ZFAND3: variants seen among roughly 807,000 people sequenced by gnomAD.
ZFAND3 encodes zinc finger AN1-type containing 3.
In ZFAND3, 10 loss-of-function variants were observed where a neutral mutation model predicts 29.6. That is an observed-to-expected ratio of 0.34 (90% CI 0.21 to 0.57). The LOEUF (loss-of-function observed/expected upper bound fraction) is 0.57. Ranked by LOEUF, ZFAND3 falls within the 20% of genes least tolerant of loss-of-function variation. ZFAND3 has a pLI of 0.86. For synonymous variants in ZFAND3, 128 were observed against 112.6 expected (o/e 1.14, Z -0.87); for missense variants, 230 against 304.5 (o/e 0.76, Z 1.82).
At chr6:38,057,407 T>C (rs1764151297) in intron 2 of ZFAND3, among the ~76,000 whole-genome samples, 1 of 152,236 alleles carries the variant, frequency 6.6e-6, no homozygotes, top group African/African-American at 2.4e-5. Context: ...GATGCAAATA[T>C]CAGGGCCAAA....
intron 2 of ZFAND3, among the ~76,000 whole-genome samples, chr6:37,987,367 A>G (rs954295781): frequency 6.6e-6 from 1 of 152,248 alleles, no homozygotes; most frequent in African/African-American, 2.4e-5. Context: ...ATTGGTGAGT[A>G]TTAACCAAAA....
intron 3 of ZFAND3, among the ~76,000 whole-genome samples, chr6:38,064,624 A>G (rs1253524438): frequency 1.3e-5 from 2 of 151,196 alleles, no homozygotes; most frequent in African/African-American, 2.4e-5. Context: ...CATCATAACC[A>G]AGAGTTACTT....
intron 2 of ZFAND3, among the ~76,000 whole-genome samples, chr6:37,959,325 T>G (rs1762154887): frequency 6.6e-6 from 1 of 152,242 alleles, no homozygotes; most frequent in Non-Finnish European, 1.5e-5. Flanking sequence ...TTCCTGCAGA[T>G]GCACTTAGTC....
At chr6:38,120,675 A>G (rs991835348) in intron 5 of ZFAND3, among the ~76,000 whole-genome samples, 1 of 152,082 alleles carries the variant, frequency 6.6e-6, no homozygotes, top group African/African-American at 2.4e-5. Flanking sequence ...TGCAGAACTA[A>G]TTTTTAAATA....
intron 2 of ZFAND3, among the ~76,000 whole-genome samples, chr6:37,976,018 C>T (rs1762471083): frequency 1.3e-5 from 2 of 151,948 alleles, no homozygotes; most frequent in South Asian, 2.1e-4. Context: ...TAGAAGTGAT[C>T]TCTCTTTAGG....
intron 2 of ZFAND3, among the ~76,000 whole-genome samples, chr6:38,002,255 G>T (rs965683858): frequency 6.7e-6 from 1 of 148,656 alleles, no homozygotes; most frequent in African/African-American, 2.5e-5. Context: ...TTATAGTTTA[G>T]TTCTAAATTA....
At chr6:37,897,950 C>A (rs1038043522) in intron 1 of ZFAND3, among the ~76,000 whole-genome samples, 1 of 152,012 alleles carries the variant, frequency 6.6e-6, no homozygotes, top group South Asian at 2.1e-4. Flanking sequence ...ACACACACAC[C>A]CCATGTATGT....
At chr6:38,090,282 C>G (rs1240035021) in intron 4 of ZFAND3, among the ~76,000 whole-genome samples, 3 of 152,130 alleles carry the variant, frequency 2.0e-5, no homozygotes, top group Non-Finnish European at 1.5e-5. Flanking sequence ...AGAAATTTGA[C>G]CTACTTATGT....
At chr6:38,032,550 A>C (rs1308435906) in intron 2 of ZFAND3, among the ~76,000 whole-genome samples, 1 of 152,238 alleles carries the variant, frequency 6.6e-6, no homozygotes, top group Admixed American at 6.5e-5. Context: ...CTGAGCACCT[A>C]CTTTACTTAA....
rs1336683546 is a variant in ZFAND3 at position 38,070,918 on chromosome 6, C to G, written c.295+9143C>G. On this transcript the variant is annotated intron_variant, in intron 3 of 5. Coordinates refer to ENST00000287218, the MANE Select transcript of ZFAND3 (RefSeq NM_021943.3). ...AATAGCTCATTTTAACTTGTGTTTT[C>G]CAGACATCTCCTGATAGTGAGATTC... 2.6e-5 allele frequency among the ~76,000 whole-genome samples: 4 copies of G among 151,724 alleles called. No individual in the cohort carries two copies. The East Asian group carries it at 7.7e-4, about 29-fold the overall frequency.
At position 38,116,844 on chromosome 6, in the gene ZFAND3, G is replaced by GT. The variant is rs1166338358; in HGVS notation, c.529+106dup. On this transcript the variant is annotated intron_variant, in intron 5 of 5. Coordinates refer to ENST00000287218, the MANE Select transcript of ZFAND3 (RefSeq NM_021943.3). ...GTCTTTCGTTCTTCTTCTGAGTACT[G>GT]TAAGTTTGCTACAGTAGTGCATGCG... 11 of 1,435,056 alleles carry GT rather than the reference G, an allele frequency of 7.7e-6. No individual in the cohort carries two copies. The East Asian group carries it at 9.4e-5, about 12-fold the overall frequency. 88.9% of individuals were successfully genotyped at this position (1,435,056 alleles called of 1,614,324 possible).
chr6:37,914,214 A>G lies in ZFAND3; in HGVS notation c.72-15745A>G, dbSNP rs148400530. Among the ~76,000 whole-genome samples the G allele has an allele frequency of 1.9e-4, 29 of 151,656 alleles. No individual in the cohort carries two copies. In the East Asian group the frequency reaches 4.3e-3, roughly 22 times the overall value. On this transcript the variant is annotated intron_variant, in intron 1 of 5. Coordinates refer to ENST00000287218, the MANE Select transcript of ZFAND3 (RefSeq NM_021943.3). ...AGTGAGCAGCAGTATTTTGAAAGGA[A>G]TTTTTTTTTCTGAGCAGTAGTTCTT...
intron 1 of ZFAND3, among the ~76,000 whole-genome samples, chr6:37,820,496 A>G (rs572612992): frequency 2.0e-5 from 3 of 152,230 alleles, no homozygotes; most frequent in African/African-American, 7.2e-5. Context: ...CACTTCCTAG[A>G]TTATATCCCA....
intron 2 of ZFAND3, among the ~76,000 whole-genome samples, chr6:38,058,093 G>A (rs1561983563): frequency 6.6e-6 from 1 of 152,208 alleles, no homozygotes; most frequent in Admixed American, 6.5e-5. Context: ...CATCAAAGTA[G>A]CATGGCAAGC....
At chr6:37,905,295 G>T (rs988268585) in intron 1 of ZFAND3, among the ~76,000 whole-genome samples, 3 of 152,058 alleles carry the variant, frequency 2.0e-5, no homozygotes, top group Non-Finnish European at 4.4e-5. Context: ...TTGACCCAAC[G>T]ATTTTCATTC....
At chr6:38,069,762 C>A (rs965987312) in intron 3 of ZFAND3, among the ~76,000 whole-genome samples, 1 of 152,196 alleles carries the variant, frequency 6.6e-6, no homozygotes, top group Non-Finnish European at 1.5e-5. Flanking sequence ...TATAGAAATT[C>A]TTTCTGTTCC....
At chr6:38,151,332 T>C (rs1766218961) in intron 5 of ZFAND3, among the ~76,000 whole-genome samples, 1 of 152,226 alleles carries the variant, frequency 6.6e-6, no homozygotes, top group Non-Finnish European at 1.5e-5. Context: ...ATTTCTCTGC[T>C]TCAAAAAGAG....
intron 2 of ZFAND3, among the ~76,000 whole-genome samples, chr6:37,944,959 G>A (rs1387197849): frequency 6.6e-6 from 1 of 152,182 alleles, no homozygotes; most frequent in Admixed American, 6.5e-5. Context: ...TTAATCAAGG[G>A]GTGGAGTATT....
At chr6:38,067,163 T>TC (rs1284223138) in intron 3 of ZFAND3, among the ~76,000 whole-genome samples, 1 of 152,216 alleles carries the variant, frequency 6.6e-6, no homozygotes, top group Non-Finnish European at 1.5e-5. Flanking sequence ...TACTCAAGTC[T>TC]CACAGTCAGC....
Sources: allele counts gnomAD v4.1 joint callset (sites outside exome capture counted in the v4.1 genomes callset), GRCh38; gene constraint gnomAD v4.1.1; transcripts MANE v1.5; gene names NCBI Gene and HGNC (gene_info 2026-07-23, HGNC 2026-07-21).